L3MBTL3: variants seen among roughly 807,000 people sequenced by gnomAD.
The protein encoded by L3MBTL3 is lethal(3)malignant brain tumor-like protein 3.
A neutral mutation model predicts 102.3 loss-of-function variants in L3MBTL3; 27 were observed. The observed-to-expected ratio is 0.26, with a 90% CI of 0.19 to 0.36. The LOEUF is 0.36. Ranked by LOEUF, L3MBTL3 falls within the 10% of genes least tolerant of loss-of-function variation. The pLI, the probability that L3MBTL3 is intolerant of heterozygous loss-of-function variation, is 1.00. For synonymous variants in L3MBTL3, 340 were observed against 320.9 expected (o/e 1.06, Z -0.64); for missense variants, 798 against 955.3 (o/e 0.84, Z 2.17).
intron 13 of L3MBTL3, among the ~76,000 whole-genome samples, chr6:130,074,699 G>C (rs963804995): frequency 3.3e-5 from 5 of 152,198 alleles, no homozygotes; most frequent in African/African-American, 1.2e-4. Context: ...TGTCTTTTGG[G>C]ATCCAGGAAG....
At chr6:130,071,904 G>GATAC (rs1411798104) in intron 13 of L3MBTL3, among the ~76,000 whole-genome samples, 3 of 152,004 alleles carry the variant, frequency 2.0e-5, no homozygotes, top group Admixed American at 2.0e-4. Context: ...GGGATTCTTA[G>GATAC]ATACTCATTA....
intron 2 of L3MBTL3, among the ~76,000 whole-genome samples, chr6:130,035,628 A>G (rs1780009617): frequency 6.6e-6 from 1 of 152,212 alleles, no homozygotes; most frequent in South Asian, 2.1e-4. Context: ...GCTCCTTGAC[A>G]TCCACAGTGG....
intron 20 of L3MBTL3, among the ~76,000 whole-genome samples, chr6:130,124,663 G>A (rs1786472920): frequency 6.6e-6 from 1 of 152,126 alleles, no homozygotes; most frequent in Admixed American, 6.6e-5. Context: ...TAGACCCAAG[G>A]AATGATATCA....
chr6:130,055,908 CCCCTT>C (rs1226731274), intron 8 of L3MBTL3, among the ~76,000 whole-genome samples: 5 of 144,820 alleles, frequency 3.5e-5, no homozygotes, highest in Admixed American at 6.9e-5. Context: ...TCTGTCCCCT[CCCCTT>C]CCCTTCCCTC....
intron 14 of L3MBTL3, among the ~76,000 whole-genome samples, chr6:130,079,360 C>A (rs1324514021): frequency 6.6e-6 from 1 of 152,192 alleles, no homozygotes; most frequent in East Asian, 1.9e-4. Flanking sequence ...AGAGCCTTCT[C>A]AGCTTATTTG....
chr6:130,139,795 C>T lies in L3MBTL3; in HGVS notation c.*42C>T. On this transcript the variant is annotated 3_prime_UTR_variant, in exon 23 of 23. Coordinates refer to ENST00000361794, the MANE Select transcript of L3MBTL3 (RefSeq NM_032438.4). ...ATACCATCAGCATTCTGCTTTAAAGCTCATGTTTTATTCAAAGCACAAGGA... is the reference window on the plus strand; with the variant it reads ...ATACCATCAGCATTCTGCTTTAAAGTTCATGTTTTATTCAAAGCACAAGGA... The T allele has an allele frequency of 6.3e-7, 1 of 1,594,350 alleles. No individual in the cohort carries two copies. The highest frequency in any genetic ancestry group is 8.6e-7 in the Non-Finnish European group (1 of 1,167,120).
At chr6:130,123,263 T>C (rs190550050) in intron 20 of L3MBTL3, among the ~76,000 whole-genome samples, 8 of 152,272 alleles carry the variant, frequency 5.3e-5, no homozygotes, top group Middle Eastern at 3.4e-3. Flanking sequence ...TTTTTCTTGA[T>C]TTGAATTGCC....
At chr6:130,112,177 G>A (rs941801580) in intron 19 of L3MBTL3, among the ~76,000 whole-genome samples, 1 of 152,110 alleles carries the variant, frequency 6.6e-6, no homozygotes, top group Admixed American at 6.6e-5. Context: ...TGCTGTTGAC[G>A]TTCTTGGGTA....
intron 19 of L3MBTL3, among the ~76,000 whole-genome samples, chr6:130,114,719 T>G (rs1343623983): frequency 6.6e-6 from 1 of 152,210 alleles, no homozygotes; most frequent in Non-Finnish European, 1.5e-5. Context: ...TGGGTGATGT[T>G]TATGAAAACA....
intron 12 of L3MBTL3, among the ~76,000 whole-genome samples, chr6:130,069,184 CTG>C (rs1428302793): frequency 6.6e-6 from 1 of 152,206 alleles, no homozygotes; most frequent in Non-Finnish European, 1.5e-5. Flanking sequence ...AGAGTGGAAA[CTG>C]TGCACCCTGC....
intron 16 of L3MBTL3, among the ~76,000 whole-genome samples, chr6:130,092,418 A>G (rs1784114375): frequency 6.6e-6 from 1 of 150,702 alleles, no homozygotes; most frequent in Non-Finnish European, 1.5e-5. Flanking sequence ...TGGGTGCTTG[A>G]TGTTGATCAT....
chr6:130,131,026 T>C (rs1786972333), intron 20 of L3MBTL3, among the ~76,000 whole-genome samples: 1 of 152,174 alleles, frequency 6.6e-6, no homozygotes, highest in South Asian at 2.1e-4. Flanking sequence ...GGAATAAATT[T>C]AACAAAAGAT....
intron 3 of L3MBTL3, among the ~76,000 whole-genome samples, chr6:130,046,507 A>G (rs111692123): frequency 0.017 from 2,602 of 152,328 alleles, 35 homozygotes; most frequent in Middle Eastern, 0.061. Flanking sequence ...AATAAAAAAG[A>G]GAGTTGAATC....
intron 19 of L3MBTL3, among the ~76,000 whole-genome samples, chr6:130,115,887 T>C (rs1785639683): frequency 1.3e-5 from 2 of 152,332 alleles, no homozygotes; most frequent in South Asian, 4.1e-4. Flanking sequence ...CCAAGAGAAA[T>C]TGCTGTTTTC....
chr6:130,019,872 G>A (rs1319922763), intron 1 of L3MBTL3, among the ~76,000 whole-genome samples: 1 of 139,252 alleles, frequency 7.2e-6, no homozygotes, highest in Non-Finnish European at 1.6e-5. Flanking sequence ...GAGAGGGCGC[G>A]GGCCGCGGGC....
intron 10 of L3MBTL3, 67 bp from the exon 11 acceptor site, chr6:130,066,286 G>GTGTATA (rs1554227522): frequency 9.8e-5 from 38 of 387,672 alleles, no homozygotes; most frequent in Non-Finnish European, 1.2e-4. Flanking sequence ...TTATTTTTGT[G>GTGTATA]TATATATATA....
chr6:130,075,153 C>T (rs1782869167), intron 13 of L3MBTL3, among the ~76,000 whole-genome samples: 1 of 152,064 alleles, frequency 6.6e-6, no homozygotes, highest in African/African-American at 2.4e-5. Flanking sequence ...CTCTGGGGGG[C>T]TCATGGTCTG....
intron 2 of L3MBTL3, among the ~76,000 whole-genome samples, chr6:130,033,250 A>G (rs1296755750): frequency 2.6e-5 from 4 of 152,174 alleles, no homozygotes. Context: ...CCACATTCAT[A>G]AGGTGATTAG....
intron 2 of L3MBTL3, among the ~76,000 whole-genome samples, chr6:130,029,978 C>G (rs1348453587): frequency 6.6e-6 from 1 of 152,100 alleles, no homozygotes; most frequent in African/African-American, 2.4e-5. Flanking sequence ...CATGCACCAC[C>G]ACGCCCAACT....
Sources: allele counts gnomAD v4.1 joint callset (sites outside exome capture counted in the v4.1 genomes callset), GRCh38; gene constraint gnomAD v4.1.1; transcripts MANE v1.5; gene names NCBI Gene and HGNC (gene_info 2026-07-23, HGNC 2026-07-21).